APBB2: variants seen among roughly 807,000 people sequenced by gnomAD.
APBB2 encodes the protein Fe65-like 1.
A neutral mutation model predicts 82.5 loss-of-function variants in APBB2; 38 were observed. The ratio of observed to expected loss-of-function variants is 0.46; its 90% confidence interval spans 0.36 to 0.60. APBB2 has a LOEUF of 0.60. Ranked by LOEUF, APBB2 falls within the 20% of genes least tolerant of loss-of-function variation. The pLI, the probability that APBB2 is intolerant of heterozygous loss-of-function variation, is 0.00. For missense variants in APBB2, 772 were observed against 972.3 expected (o/e 0.79, Z 2.74); for synonymous variants, 341 against 368.2 (o/e 0.93, Z 0.85).
chr4:40,920,218 G>C (rs1251217017), intron 10 of APBB2, among the ~76,000 whole-genome samples: 1 of 152,120 alleles, frequency 6.6e-6, no homozygotes, highest in East Asian at 1.9e-4. Context: ...AGATCTGATG[G>C]TTTTATAAAG....
chr4:40,965,911 A>G (rs754376625), intron 6 of APBB2, among the ~76,000 whole-genome samples: 51 of 152,350 alleles, frequency 3.3e-4, no homozygotes, highest in Admixed American at 5.2e-4. Context: ...ATGGCCAACA[A>G]TTTTGAAGCA....
At position 40,832,857 on chromosome 4, in the gene APBB2, C is replaced by T. The variant is rs11724511; in HGVS notation, c.1530-2280G>A. Among the ~76,000 whole-genome samples, 28,162 of 152,110 alleles carry T rather than the reference C, an allele frequency of 0.19. 2,738 individuals are homozygous for T. Among genetic ancestry groups the T allele is most frequent in the African/African-American group, 0.23 (9,509 of 41,486 alleles). On this transcript the variant is annotated intron_variant, in intron 12 of 17. Coordinates refer to ENST00000508593, the MANE Select transcript of APBB2 (RefSeq NM_004307.2). The surrounding 1 kb of genome is among the most constrained non-coding windows in gnomAD (Gnocchi z 4.8). ...TATCACCGGTACTAATACATGTTTG[C>T]GGGCTGAGTACAAGTGTGGGCCTGT...
chr4:40,899,361 T>C (rs898933372), intron 10 of APBB2, among the ~76,000 whole-genome samples: 7 of 152,194 alleles, frequency 4.6e-5, no homozygotes, highest in African/African-American at 1.7e-4. Context: ...TCTTCCACAG[T>C]GGAATTGAGT....
chr4:41,014,408 A>G lies in APBB2; in HGVS notation c.20-10T>C. On this transcript the variant is annotated splice_polypyrimidine_tract_variant and intron_variant, in intron 5 of 17. Coordinates refer to ENST00000508593, the MANE Select transcript of APBB2 (RefSeq NM_004307.2). ...TCAACACCTGAGTCAGCTGGGGAAA[A>G]AAAAAGTCATTAGACACCTGCCATG... The G allele has an allele frequency of 6.2e-7, 1 of 1,612,266 alleles. No homozygotes were observed. The highest frequency in any genetic ancestry group is 1.3e-5 in the African/African-American group (1 of 75,004).
At chr4:40,926,485 GC>G (rs1017908292) in intron 10 of APBB2, among the ~76,000 whole-genome samples, 2 of 150,482 alleles carry the variant, frequency 1.3e-5, no homozygotes, top group African/African-American at 4.9e-5. Flanking sequence ...TTGCTCTGTT[GC>G]CCAGGCTGGC....
At chr4:41,025,333 T>C (rs1713544176) in intron 5 of APBB2, among the ~76,000 whole-genome samples, 1 of 151,830 alleles carries the variant, frequency 6.6e-6, no homozygotes, top group Admixed American at 6.6e-5. Flanking sequence ...TCAGAATGGC[T>C]ATTACTAAAA....
At position 41,091,249 on chromosome 4, in the gene APBB2, T is replaced by C. The variant is rs186597075; in HGVS notation, c.-149+9390A>G. ...TGAGTTAGATATAGTCCTTGCGAGG[T>C]AATTGTCCACAATTTTTGTTTGCAA... On this transcript the variant is annotated intron_variant, in intron 3 of 17. Coordinates refer to ENST00000508593, the MANE Select transcript of APBB2 (RefSeq NM_004307.2). Among the ~76,000 whole-genome samples the C allele has an allele frequency of 5.9e-4, 90 of 152,262 alleles. 1 individual carries two copies. The highest frequency in any genetic ancestry group is 7.5e-4 in the Non-Finnish European group (51 of 68,024).
At chr4:40,938,613 G>T (rs1263138878) in intron 7 of APBB2, among the ~76,000 whole-genome samples, 1 of 152,168 alleles carries the variant, frequency 6.6e-6, no homozygotes, top group Non-Finnish European at 1.5e-5. Flanking sequence ...CAGGGGCTGG[G>T]TATGTCCCTA....
At position 40,819,798 on chromosome 4, in the gene APBB2, A is replaced by G. The variant is rs1577662755; in HGVS notation, c.2112+2073T>C. 2.0e-5 allele frequency among the ~76,000 whole-genome samples: 3 copies of G among 151,938 alleles called. No homozygotes were observed. In the South Asian group the frequency reaches 6.2e-4, roughly 32 times the overall value. On this transcript the variant is annotated intron_variant, in intron 17 of 17. Coordinates refer to ENST00000508593, the MANE Select transcript of APBB2 (RefSeq NM_004307.2). ...TCCCAGTTACTTCTCAATCCAGCAC[A>G]GTCTCATACTTATTTTTCTTATTTA...
chr4:41,165,307 G>A (rs1044267296), intron 1 of APBB2, among the ~76,000 whole-genome samples: 14 of 152,016 alleles, frequency 9.2e-5, no homozygotes, highest in Admixed American at 3.9e-4. Context: ...ACACAAATTG[G>A]GCATCTTACC....
intron 12 of APBB2, among the ~76,000 whole-genome samples, chr4:40,889,950 T>C (rs1400466187): frequency 6.6e-6 from 1 of 152,146 alleles, no homozygotes; most frequent in Non-Finnish European, 1.5e-5. Context: ...CCCCCTCAAG[T>C]AAGCCCTTGA....
Position 41,106,301 on chromosome 4 carries a change from C to T in APBB2, c.-260-5551G>A, listed in dbSNP as rs555870251. On this transcript the variant is annotated intron_variant, in intron 2 of 17. Coordinates refer to ENST00000508593, the MANE Select transcript of APBB2 (RefSeq NM_004307.2). ...ATCTCATTTCCCTTTGTGCATTCCT[C>T]TTCAACCTCTAGCCCAAAGCCCAAA... Among the ~76,000 whole-genome samples, 9 of 152,348 alleles carry T rather than the reference C, an allele frequency of 5.9e-5. No individual in the cohort carries two copies. The South Asian group carries it at 1.9e-3, about 32-fold the overall frequency.
intron 1 of APBB2, among the ~76,000 whole-genome samples, chr4:41,202,566 T>C (rs2154077063): frequency 6.6e-6 from 1 of 152,286 alleles, no homozygotes; most frequent in Non-Finnish European, 1.5e-5. Flanking sequence ...ACTATTTTTG[T>C]TTCTATTCAT....
rs1764122819 is a variant in APBB2 at position 41,158,809 on chromosome 4, C to T, written c.-416-15667G>A. Among the ~76,000 whole-genome samples the T allele has an allele frequency of 2.0e-5, 3 of 152,116 alleles. No homozygotes were observed. In the South Asian group the frequency reaches 6.2e-4, roughly 32 times the overall value. ...CACCTACTACATGCCAGGCCCTTTA[C>T]CCATCTGTCCCGTTTCTCAAGGTCA... is the stretch of plus-strand genomic sequence containing the variant. On this transcript the variant is annotated intron_variant, in intron 1 of 17. Transcript: ENST00000508593.
intron 3 of APBB2, among the ~76,000 whole-genome samples, chr4:41,069,954 A>C (rs140923354): frequency 6.6e-6 from 1 of 152,348 alleles, no homozygotes; most frequent in African/African-American, 2.4e-5. Context: ...AAATGGGAAA[A>C]TAGATGGGTA....
intron 5 of APBB2, among the ~76,000 whole-genome samples, chr4:41,025,509 T>G (rs927557356): frequency 6.6e-5 from 10 of 152,086 alleles, no homozygotes; most frequent in Non-Finnish European, 1.2e-4. Context: ...TTACTGGGTA[T>G]ATACTCAGAG....
chr4:40,907,792 G>A (rs1451627162), intron 10 of APBB2, among the ~76,000 whole-genome samples: 4 of 151,088 alleles, frequency 2.6e-5, no homozygotes, highest in Admixed American at 1.3e-4. Flanking sequence ...CTGAGTAGAC[G>A]GGACTACAAG....
At chr4:40,901,651 A>G (rs1775315320) in intron 10 of APBB2, among the ~76,000 whole-genome samples, 1 of 152,128 alleles carries the variant, frequency 6.6e-6, no homozygotes, top group Non-Finnish European at 1.5e-5. Context: ...CTGGGATTAC[A>G]GGCGCCCATC....
chr4:41,201,584 G>A (rs984491657), intron 1 of APBB2, among the ~76,000 whole-genome samples: 7 of 152,160 alleles, frequency 4.6e-5, no homozygotes, highest in African/African-American at 9.7e-5. Flanking sequence ...AAAAGCACAC[G>A]TGGCTCAGGG....
Sources: allele counts gnomAD v4.1 joint callset (sites outside exome capture counted in the v4.1 genomes callset), GRCh38; gene constraint gnomAD v4.1.1; non-coding constraint Gnocchi (gnomAD v3.1); transcripts MANE v1.5; gene names NCBI Gene and HGNC (gene_info 2026-07-23, HGNC 2026-07-21).